The following CACNB1 variants were observed in gnomAD, a reference collection of about 807,000 sequenced individuals.
CACNB1 encodes voltage-dependent L-type calcium channel subunit beta-1.
A neutral mutation model predicts 71.6 loss-of-function variants in CACNB1; 29 were observed. The observed-to-expected ratio is 0.40, with a 90% CI of 0.30 to 0.55. CACNB1 has a LOEUF of 0.55. Among genes scored for constraint, CACNB1 ranks in the 20% least tolerant of loss-of-function variants. CACNB1 has a pLI of 0.38. For synonymous variants in CACNB1, 300 were observed against 319.6 expected, an observed-to-expected ratio of 0.94 and a Z score of 0.65; for missense variants, 623 against 801.8, an observed-to-expected ratio of 0.78 and a Z score of 2.69.
intron 1 of CACNB1, among the ~76,000 whole-genome samples, chr17:39,197,041 C>T (rs1460579962): frequency 3.9e-5 from 6 of 151,920 alleles, no homozygotes; most frequent in Non-Finnish European, 8.8e-5. Context: ...CTCTGCGTCG[C>T]CCCCCTTGCC....
intron 11 of CACNB1, among the ~76,000 whole-genome samples, chr17:39,179,356 A>G (rs2045684743): frequency 6.6e-6 from 1 of 151,334 alleles, no homozygotes; most frequent in African/African-American, 2.4e-5. Flanking sequence ...TGGGAGGCCA[A>G]GGTGGGTGGA....
chr17:39,178,133 C>A, intron 11 of CACNB1, 54 bp from the exon 12 acceptor site: 16 of 1,344,108 alleles, frequency 1.2e-5, no homozygotes, highest in Non-Finnish European at 1.6e-5. Flanking sequence ...AGGCAATGCA[C>A]CCAGTCAGAG....
rs755959340 is a variant in CACNB1 at position 39,186,612 on chromosome 17, G to A, written c.552-40C>T. The A allele has an allele frequency of 1.5e-5, 23 of 1,577,534 alleles. No homozygotes were observed. The South Asian group carries it at 2.6e-4, about 18-fold the overall frequency. Reference sequence around the variant, plus strand: ...GCAAACCGAGCTTGTGAGCAAAGAGGTGGGCGTGGGGGGCTCTCATCCTCT... The same window carrying A: ...GCAAACCGAGCTTGTGAGCAAAGAGATGGGCGTGGGGGGCTCTCATCCTCT... On this transcript the variant is annotated intron_variant, in intron 5 of 13. Coordinates refer to ENST00000394303, the MANE Select transcript of CACNB1 (RefSeq NM_000723.5). The surrounding 1 kb of genome is among the most constrained non-coding windows in gnomAD (Gnocchi z 4.1).
At chr17:39,187,693 T>A (rs563726050) in intron 3 of CACNB1, 92 bp from the exon 4 acceptor site, 1 of 1,412,930 alleles carries the variant, frequency 7.1e-7, no homozygotes, top group South Asian at 1.2e-5. Flanking sequence ...TACTTGGATG[T>A]TTACTTTATA....
At chr17:39,176,121 A>G (rs535344516) in intron 13 of CACNB1, among the ~76,000 whole-genome samples, 202 of 152,168 alleles carry the variant, frequency 1.3e-3, no homozygotes, top group African/African-American at 4.5e-3. Flanking sequence ...CCAAACCCCA[A>G]TCTCAGGCTT....
intron 11 of CACNB1, chr17:39,182,949 C>A: frequency 1.0e-6 from 1 of 984,380 alleles, no homozygotes; most frequent in Middle Eastern, 5.2e-4. Flanking sequence ...CCCATGCTGT[C>A]TTCTAACTTC....
rs763303240 is a variant in CACNB1 at position 39,191,554 on chromosome 17, C to T, written c.211G>A (p.Asp71Asn). The T allele has an allele frequency of 6.2e-7, 1 of 1,611,478 alleles. No individual in the cohort carries two copies. Among genetic ancestry groups the T allele is most frequent in the Non-Finnish European group, 8.5e-7 (1 of 1,179,186 alleles). ...TCCCGGTCCTCCTCCAGAGATACAT[C>T]AGAGTCTGATGGACGGCTGGTGTAG... ...ESYTSRPSDS[D>N]VSLEEDREAL... Residue 71 changes from aspartate to asparagine, a missense_variant, in exon 3 of 14, where the codon GAT becomes AAT. Physicochemically the swap from Asp to Asn is conservative, Grantham distance 23. Transcript: ENST00000394303.
intron 4 of CACNB1, 44 bp downstream of exon 4, chr17:39,187,435 T>C: frequency 1.2e-6 from 2 of 1,610,290 alleles, no homozygotes; most frequent in Non-Finnish European, 1.7e-6. Context: ...TCTGGCTGCC[T>C]GTCTCCTGGC....
At chr17:39,185,842 C>T in intron 6 of CACNB1, 1 of 1,231,716 alleles carries the variant, frequency 8.1e-7, no homozygotes, top group Non-Finnish European at 1.1e-6. Flanking sequence ...AGCCCTGATG[C>T]CCACAGAACA....
intron 3 of CACNB1, among the ~76,000 whole-genome samples, chr17:39,191,185 C>T (rs1471073544): frequency 6.6e-6 from 1 of 152,104 alleles, no homozygotes; most frequent in East Asian, 1.9e-4. Flanking sequence ...GCCTGGGTGA[C>T]AGAGCAAGAC....
chr17:39,185,001 G>A (rs2045897664), intron 7 of CACNB1, 130 bp downstream of exon 7: 2 of 996,778 alleles, frequency 2.0e-6, no homozygotes, highest in Non-Finnish European at 3.2e-6. Flanking sequence ...GGTGGGGGTG[G>A]GGAGGGATGG....
At chr17:39,178,163 C>A (rs529582888) in intron 11 of CACNB1, 84 bp from the exon 12 acceptor site, 22 of 996,378 alleles carry the variant, frequency 2.2e-5, no homozygotes, top group Non-Finnish European at 3.4e-5. Flanking sequence ...CTGGTTGGAT[C>A]AGCATGGAGA....
chr17:39,178,634 C>T (rs1394878868), intron 11 of CACNB1, among the ~76,000 whole-genome samples: 2 of 152,190 alleles, frequency 1.3e-5, no homozygotes, highest in South Asian at 2.1e-4. Context: ...CCACTTGCCT[C>T]AGCCTCTCAA....
intron 1 of CACNB1, among the ~76,000 whole-genome samples, chr17:39,196,631 G>A (rs1468105999): frequency 6.6e-6 from 1 of 152,094 alleles, no homozygotes; most frequent in Non-Finnish European, 1.5e-5. Context: ...AACCCACCGC[G>A]CCCAAGAATG....
chr17:39,178,210 A>G (rs2045639567), intron 11 of CACNB1, 131 bp from the exon 12 acceptor site: 3 of 698,778 alleles, frequency 4.3e-6, no homozygotes, highest in South Asian at 3.2e-5. Context: ...CATAACTCTC[A>G]GCCCTGGGCA....
At chr17:39,187,024 T>C in intron 4 of CACNB1, 95 bp from the exon 5 acceptor site, 1 of 1,395,264 alleles carries the variant, frequency 7.2e-7, no homozygotes, top group Middle Eastern at 1.9e-4. Flanking sequence ...CAGACTCACC[T>C]CCCAGCCCAG....
chr17:39,180,288 CTA>C (rs2045719332), intron 11 of CACNB1, among the ~76,000 whole-genome samples: 1 of 150,154 alleles, frequency 6.7e-6, no homozygotes, highest in Non-Finnish European at 1.5e-5. Context: ...CAAATATGGA[CTA>C]TATTTTAGAA....
chr17:39,175,300 T>TC lies in CACNB1; in HGVS notation c.1689dup (p.Asn564GlufsTer6). ...TAGCGGGCCTTATTCCGGCCCCGGT[T>TC]CCGGTTGTCGGTCAGCTCTTCCTCA... On this transcript the variant is annotated frameshift_variant, in exon 14 of 14. Transcript: ENST00000394303. LOFTEE classifies it high-confidence loss of function. The surrounding 1 kb of genome is among the most constrained non-coding windows in gnomAD (Gnocchi z 4.7). 1 of 1,614,180 alleles carries TC rather than the reference T, an allele frequency of 6.2e-7. No individual in the cohort carries two copies. The highest frequency in any genetic ancestry group is 2.2e-5 in the East Asian group (1 of 44,882).
rs375895816 is a variant in CACNB1 at position 39,178,375 on chromosome 17, C to CTTT, written c.1051-299_1051-297dup. The CTTT allele has an allele frequency of 3.0e-3, 629 of 212,656 alleles. 5 individuals are homozygous for CTTT. Among genetic ancestry groups the CTTT allele is most frequent in the African/African-American group, 0.015 (585 of 39,986 alleles). The allele number at this position is 212,656 out of a possible 1,614,324, so 13.2% of individuals were successfully genotyped here. A position where few individuals can be genotyped will look rare whatever the true frequency, so the allele number is the denominator to read the frequency against. On this transcript the variant is annotated intron_variant, in intron 11 of 13. Coordinates refer to ENST00000394303, the MANE Select transcript of CACNB1 (RefSeq NM_000723.5). ...ATTGTTTGTAGGCCCGCCCACTCTC[C>CTTT]TTTTTTTTTGTTTTTTTTTTTTTAA...
Sources: gnomAD v4.1 joint callset for allele counts (sites outside exome capture counted in the v4.1 genomes callset) on GRCh38, gnomAD v4.1.1 for gene constraint, Gnocchi (gnomAD v3.1) non-coding constraint, MANE v1.5 for transcripts, NCBI Gene and HGNC (gene_info 2026-07-23, HGNC 2026-07-21) for gene names.